ALOX5: variants seen among roughly 807,000 people sequenced by gnomAD.
ALOX5 encodes polyunsaturated fatty acid 5-lipoxygenase.
In ALOX5, 64 loss-of-function variants were observed where a neutral mutation model predicts 87.9. The observed-to-expected ratio is 0.73, with a 90% CI of 0.60 to 0.90. The LOEUF is 0.90. Among genes scored for constraint, ALOX5 ranks in the 40% least tolerant of loss-of-function variants. The pLI is 0.00. For missense variants in ALOX5, 822 were observed against 907.5 expected (o/e 0.91, Z 1.21); for synonymous variants, 388 against 355.1 (o/e 1.09, Z -1.04).
chr10:45,391,253 T>G (rs1192760775), intron 2 of ALOX5, among the ~76,000 whole-genome samples: 2 of 152,076 alleles, frequency 1.3e-5, no homozygotes, highest in African/African-American at 4.8e-5. Flanking sequence ...CCGCCACGCC[T>G]GACTGTTTTT....
At position 45,444,225 on chromosome 10, in the gene ALOX5, G is replaced by A. The variant is rs1243070609; in HGVS notation, c.1784G>A (p.Arg595His). 3 of 1,554,656 alleles carry A rather than the reference G, an allele frequency of 1.9e-6. No individual in the cohort carries two copies. The highest frequency in any genetic ancestry group is 1.7e-6 in the Non-Finnish European group (2 of 1,149,122). Reference sequence around the variant, plus strand: ...CAGATCGTGGACACGCTGCCCGACCGCGGCCGCTCCTGCTGGCATCTGGGT... The same window carrying A: ...CAGATCGTGGACACGCTGCCCGACCACGGCCGCTCCTGCTGGCATCTGGGT... ...IEQIVDTLPD[R>H]GRSCWHLGAV... The change falls in exon 13 of 14, where the codon CGC becomes CAC. Residue 595 changes from arginine (R) to histidine (H), a missense_variant. Physicochemically the swap from Arg to His is conservative, Grantham distance 29. Coordinates refer to ENST00000374391, the MANE Select transcript of ALOX5 (RefSeq NM_000698.5).
In ALOX5 at chr10:45,418,719, G is replaced by A. The variant is rs553992589; in HGVS notation, c.555-5322G>A. ...GAGAGAGACTGTGGGCACAGGTGTGGCGAGGCCAGGCCGCCGAGAGCCAAG... is the reference window on the plus strand; with the variant it reads ...GAGAGAGACTGTGGGCACAGGTGTGACGAGGCCAGGCCGCCGAGAGCCAAG... On this transcript the variant is annotated intron_variant, in intron 4 of 13. Coordinates refer to ENST00000374391, the MANE Select transcript of ALOX5 (RefSeq NM_000698.5). Among the ~76,000 whole-genome samples, 3 of 152,334 alleles carry A rather than the reference G, an allele frequency of 2.0e-5. No homozygotes were observed. The South Asian group carries it at 6.2e-4, about 32-fold the overall frequency.
At position 45,402,782 on chromosome 10, in the gene ALOX5, A is replaced by G. The variant is rs887745348; in HGVS notation, c.431+6846A>G. 5.3e-5 allele frequency among the ~76,000 whole-genome samples: 8 copies of G among 152,228 alleles called. No individual in the cohort carries two copies. In the East Asian group the frequency reaches 1.5e-3, roughly 29 times the overall value. The stretch of plus-strand genomic sequence containing the variant: ...GTGATTGACGAGAATTATTCCTAGT[A>G]TGTGAAGGACCTACAAATCTTTAAG... On this transcript the variant is annotated intron_variant, in intron 3 of 13. Transcript: ENST00000374391.
At chr10:45,438,745 G>A (rs1378459173) in intron 7 of ALOX5, among the ~76,000 whole-genome samples, 1 of 152,204 alleles carries the variant, frequency 6.6e-6, no homozygotes, top group African/African-American at 2.4e-5. Context: ...AGAGTTCTGA[G>A]ACCTTCTAAT....
At chr10:45,426,429 C>T (rs3780905) in intron 6 of ALOX5, among the ~76,000 whole-genome samples, 8,054 of 152,308 alleles carry the variant, frequency 0.053, 845 homozygotes, top group East Asian at 0.52. Context: ...TACACACCAG[C>T]ATGATTCTTA....
At chr10:45,381,622 G>A (rs556681042) in intron 1 of ALOX5, among the ~76,000 whole-genome samples, 13 of 152,330 alleles carry the variant, frequency 8.5e-5, no homozygotes, top group African/African-American at 2.2e-4. Flanking sequence ...GGGCAGCTGC[G>A]GACCCTCACT....
At chr10:45,427,959 C>T (rs1244904052) in intron 6 of ALOX5, among the ~76,000 whole-genome samples, 2 of 152,182 alleles carry the variant, frequency 1.3e-5, no homozygotes, top group Non-Finnish European at 2.9e-5. Context: ...ACACGCCAAC[C>T]CTGCAGACCA....
At chr10:45,427,709 C>T (rs1421830929) in intron 6 of ALOX5, among the ~76,000 whole-genome samples, 2 of 152,188 alleles carry the variant, frequency 1.3e-5, no homozygotes, top group African/African-American at 2.4e-5. Flanking sequence ...GCCATGCCCC[C>T]GGCCTAAGCG....
chr10:45,391,587 C>A (rs192922652), intron 2 of ALOX5, among the ~76,000 whole-genome samples: 10,123 of 151,586 alleles, frequency 0.067, 446 homozygotes, highest in East Asian at 0.18. Context: ...CTCTGCCTGG[C>A]TGCCCAGTCT....
At position 45,412,304 on chromosome 10, in the gene ALOX5, A is replaced by C. The variant is rs753345637; in HGVS notation, c.545A>C (p.Tyr182Ser). 1.2e-6 allele frequency: 2 copies of C among 1,614,024 alleles called. No homozygotes were observed. Among genetic ancestry groups the C allele is most frequent in the African/African-American group, 2.7e-5 (2 of 74,974 alleles). ...AAAGGAGTGGACTTTGTTCTGAATT[A>C]CTCCAAAGCGTAAGTTTACGAGAAC... The part of the protein sequence containing the change: ...SEKGVDFVLN[Y>S]SKAMENLFIN... Residue 182 changes from tyrosine (Y) to serine (S), a missense_variant, in exon 4 of 14, where the codon TAC becomes TCC. Tyr to Ser is a moderately radical substitution (Grantham distance 144). Transcript: ENST00000374391.
chr10:45,414,977 A>G (rs1841221401), intron 4 of ALOX5, among the ~76,000 whole-genome samples: 1 of 152,234 alleles, frequency 6.6e-6, no homozygotes, highest in African/African-American at 2.4e-5. Context: ...ACACTTTTAC[A>G]CTGTTGGTGG....
intron 3 of ALOX5, among the ~76,000 whole-genome samples, chr10:45,409,987 A>C (rs1016235538): frequency 2.6e-5 from 4 of 152,240 alleles, no homozygotes; most frequent in African/African-American, 9.6e-5. Context: ...TGGGGCAAGA[A>C]GGTCTTTTTG....
At chr10:45,400,837 C>T (rs916404084) in intron 3 of ALOX5, among the ~76,000 whole-genome samples, 1 of 152,150 alleles carries the variant, frequency 6.6e-6, no homozygotes, top group East Asian at 1.9e-4. Flanking sequence ...TTCGAGGTGT[C>T]CTCTGGGGAT....
At chr10:45,428,311 T>G in intron 6 of ALOX5, 1 of 450,342 alleles carries the variant, frequency 2.2e-6, no homozygotes, top group Non-Finnish European at 4.0e-6. Context: ...CCTAACCTCT[T>G]TCTTCTTAGT....
chr10:45,387,660 C>T (rs1840054452), intron 2 of ALOX5, among the ~76,000 whole-genome samples: 1 of 152,176 alleles, frequency 6.6e-6, no homozygotes, highest in East Asian at 1.9e-4. Flanking sequence ...CCAAGCCTGG[C>T]TCTTGCATCT....
At chr10:45,388,259 T>C (rs1038610107) in intron 2 of ALOX5, among the ~76,000 whole-genome samples, 3 of 152,214 alleles carry the variant, frequency 2.0e-5, no homozygotes, top group African/African-American at 4.8e-5. Flanking sequence ...ACTCCACCTC[T>C]GGGGGCAGGT....
intron 2 of ALOX5, 81 bp from the exon 3 acceptor site, chr10:45,395,774 C>A: frequency 7.7e-7 from 1 of 1,297,920 alleles, no homozygotes; most frequent in Non-Finnish European, 1.1e-6. Flanking sequence ...GGCAGGGCAT[C>A]TGAGGGAAGC....
intron 2 of ALOX5, among the ~76,000 whole-genome samples, chr10:45,394,077 CT>C (rs1469020965): frequency 1.3e-5 from 2 of 152,214 alleles, no homozygotes; most frequent in Admixed American, 6.5e-5. Flanking sequence ...CTACCAATGA[CT>C]TTCTTCTCAG....
At chr10:45,376,191 CG>C (rs71515347) in intron 1 of ALOX5, among the ~76,000 whole-genome samples, 1 of 105,578 alleles carries the variant, frequency 9.5e-6, no homozygotes, top group Non-Finnish European at 2.1e-5. Flanking sequence ...CTCCCTCTCT[CG>C]GTCTGTCTTC....
Sources: gnomAD v4.1 joint callset for allele counts (sites outside exome capture counted in the v4.1 genomes callset) on GRCh38, gnomAD v4.1.1 for gene constraint, MANE v1.5 for transcripts, NCBI Gene and HGNC (gene_info 2026-07-23, HGNC 2026-07-21) for gene names.